Variants in SOX5 observed in about 807,000 individuals in gnomAD.
SOX5 encodes the protein transcription factor SOX-5.
Under a neutral mutation model 92.0 loss-of-function variants are expected in SOX5, and 9 were observed. The ratio of observed to expected loss-of-function variants is 0.10; its 90% CI spans 0.06 to 0.17. The LOEUF is 0.17. Among genes scored for constraint, SOX5 ranks in the 10% least tolerant of loss-of-function variants. The probability of loss-of-function intolerance (pLI) is 1.00; values close to 1 mark genes in which losing one functional copy is unlikely to be tolerated. For missense variants in SOX5, 642 were observed against 944.5 expected (o/e 0.68, Z 4.20); for synonymous variants, 344 against 336.3 (o/e 1.02, Z -0.25).
chr12:23,639,368 T>C lies in SOX5; in HGVS notation c.1017+1444A>G, dbSNP rs12368251. On this transcript the variant is annotated intron_variant, in intron 8 of 14. Transcript: ENST00000451604. ...GGAGTTGCCTCTAACTTGCTCTCAC[T>C]TCCTCTCATCGCTAATCCAATGGTC... is the stretch of plus-strand genomic sequence containing the variant. Among the ~76,000 whole-genome samples the C allele has an allele frequency of 3.6e-3, 543 of 152,262 alleles. 1 individual carries two copies. The highest frequency in any genetic ancestry group is 5.7e-3 in the Non-Finnish European group (387 of 67,996).
chr12:23,589,346 G>A (rs894346237), intron 9 of SOX5, among the ~76,000 whole-genome samples: 10 of 151,776 alleles, frequency 6.6e-5, no homozygotes, highest in Non-Finnish European at 1.2e-4. Context: ...GGATCAACTC[G>A]ACTCTTCAGC....
At chr12:24,485,863 C>T (rs1187660316) in intron 1 of SOX5, among the ~76,000 whole-genome samples, 1 of 152,060 alleles carries the variant, frequency 6.6e-6, no homozygotes, top group Non-Finnish European at 1.5e-5. Flanking sequence ...ATATTTTTTT[C>T]CCTGTAGGCC....
rs1043153992 is a variant in SOX5 at position 23,840,123 on chromosome 12, T to C, written c.481+5860A>G. ...AAAAACTACTAGAGCTAATAGTGAG[T>C]CCTGAAAGGCCAAAGGATGCAAGGG... is the stretch of plus-strand genomic sequence containing the variant. On this transcript the variant is annotated intron_variant, in intron 3 of 14. Transcript: ENST00000451604. Among the ~76,000 whole-genome samples, 9 of 152,102 alleles carry C rather than the reference T, an allele frequency of 5.9e-5. No individual in the cohort carries two copies. In the South Asian group the frequency reaches 8.3e-4, roughly 14 times the overall value.
intron 4 of SOX5, among the ~76,000 whole-genome samples, chr12:24,158,297 G>A (rs1285003629): frequency 6.6e-6 from 1 of 151,924 alleles, no homozygotes; most frequent in Non-Finnish European, 1.5e-5. Context: ...TCCTGGCATT[G>A]ACAAACCATT....
At chr12:23,713,533 A>G (rs1398304087) in intron 6 of SOX5, among the ~76,000 whole-genome samples, 1 of 151,788 alleles carries the variant, frequency 6.6e-6, no homozygotes, top group Non-Finnish European at 1.5e-5. Context: ...AGCCCTAGGG[A>G]ATTTGTGGGA....
chr12:23,704,711 T>TATATATATATATAC lies in SOX5; in HGVS notation c.810+29972_810+29973insGTATATATATATAT, dbSNP rs1220057297. On this transcript the variant is annotated intron_variant, in intron 6 of 14. Coordinates refer to ENST00000451604, the MANE Select transcript of SOX5 (RefSeq NM_006940.6). ...GCATATATATATATATATATATATA[T>TATATATATATATAC]ATATACACACACACACACACATACA... 7.5e-5 allele frequency among the ~76,000 whole-genome samples: 9 copies of TATATATATATATAC among 119,356 alleles called. 1 individual carries two copies. Among genetic ancestry groups the TATATATATATATAC allele is most frequent in the African/African-American group, 2.7e-4 (9 of 33,190 alleles). 78.3% of individuals were successfully genotyped at this position (119,356 alleles called of 152,430 possible).
chr12:24,420,412 T>C (rs777722694), intron 1 of SOX5, among the ~76,000 whole-genome samples: 8 of 152,162 alleles, frequency 5.3e-5, no homozygotes, highest in Non-Finnish European at 1.2e-4. Context: ...AGGGTTCCCA[T>C]TGTCCAAAGA....
At chr12:23,715,053 C>T (rs2092380361) in intron 6 of SOX5, among the ~76,000 whole-genome samples, 1 of 151,978 alleles carries the variant, frequency 6.6e-6, no homozygotes, top group Non-Finnish European at 1.5e-5. Context: ...AAAATGCATC[C>T]TTTTGGGAGG....
chr12:23,835,033 T>A (rs1160859170), intron 3 of SOX5, among the ~76,000 whole-genome samples: 1 of 151,852 alleles, frequency 6.6e-6, no homozygotes, highest in African/African-American at 2.4e-5. Flanking sequence ...AGCCTAAAGT[T>A]TGAATGAAAA....
intron 2 of SOX5, among the ~76,000 whole-genome samples, chr12:24,307,298 A>G (rs1049905989): frequency 9.3e-5 from 14 of 150,794 alleles, no homozygotes; most frequent in African/African-American, 3.4e-4. Context: ...AAATGTCATA[A>G]TCCTTGAAAA....
intron 1 of SOX5, among the ~76,000 whole-genome samples, chr12:23,915,846 T>C (rs2097409169): frequency 6.6e-6 from 1 of 152,210 alleles, no homozygotes. Flanking sequence ...GGTTCCCTCA[T>C]TCTATGTGCA....
At chr12:23,739,460 A>C (rs2093718360) in intron 5 of SOX5, among the ~76,000 whole-genome samples, 1 of 152,162 alleles carries the variant, frequency 6.6e-6, no homozygotes, top group Admixed American at 6.5e-5. Flanking sequence ...TAGTAGTTTC[A>C]ATTTGATATT....
At chr12:24,292,457 G>T (rs1042661970) in intron 2 of SOX5, among the ~76,000 whole-genome samples, 1 of 152,136 alleles carries the variant, frequency 6.6e-6, no homozygotes, top group African/African-American at 2.4e-5. Context: ...CCAATGGAAG[G>T]ATCATAGATA....
chr12:24,119,342 T>A lies in SOX5; in HGVS notation c.-2+94001A>T, dbSNP rs115658972. Reference sequence around the variant, plus strand: ...TTAGCACTATTCTCACCATCAACATTGGGAGAAATCATTTAAAAATAAGAG... The same window carrying A: ...TTAGCACTATTCTCACCATCAACATAGGGAGAAATCATTTAAAAATAAGAG... On this transcript the variant is annotated intron_variant, in intron 4 of 4. Coordinates refer to the SOX5 transcript ENST00000446891. Among the ~76,000 whole-genome samples, 410 of 152,178 alleles carry A rather than the reference T, an allele frequency of 2.7e-3. 3 individuals are homozygous for A. The highest frequency in any genetic ancestry group is 9.2e-3 in the African/African-American group (382 of 41,550).
chr12:23,747,596 T>C (rs1386898945), intron 4 of SOX5, among the ~76,000 whole-genome samples: 2 of 152,056 alleles, frequency 1.3e-5, no homozygotes, highest in African/African-American at 2.4e-5. Flanking sequence ...CACAGGACCT[T>C]TGAATGTTAA....
chr12:24,524,441 C>T (rs1225450201), intron 1 of SOX5, among the ~76,000 whole-genome samples: 1 of 151,870 alleles, frequency 6.6e-6, no homozygotes, highest in Non-Finnish European at 1.5e-5. Flanking sequence ...CTCTGGAGAA[C>T]CCTAGCTAAT....
chr12:24,309,573 C>T (rs1948971929), intron 2 of SOX5, among the ~76,000 whole-genome samples: 1 of 151,922 alleles, frequency 6.6e-6, no homozygotes, highest in South Asian at 2.1e-4. Context: ...TTTAAGGTAC[C>T]CATTTTTAAT....
chr12:24,505,258 A>G (rs1948607347), intron 1 of SOX5, among the ~76,000 whole-genome samples: 1 of 152,230 alleles, frequency 6.6e-6, no homozygotes, highest in African/African-American at 2.4e-5. Flanking sequence ...CTTGACTGAA[A>G]GCTTATAATG....
chr12:23,818,309 T>A (rs7305875), intron 3 of SOX5, among the ~76,000 whole-genome samples: 92,216 of 152,026 alleles, frequency 0.61, 28,157 homozygotes, highest in East Asian at 0.84. Flanking sequence ...CCTGTACAGC[T>A]TGTTACTGTG....
Sources: allele counts gnomAD v4.1 joint callset (sites outside exome capture counted in the v4.1 genomes callset), GRCh38; gene constraint gnomAD v4.1.1; transcripts MANE v1.5; gene names NCBI Gene and HGNC (gene_info 2026-07-23, HGNC 2026-07-21).